Variants in XPO6 observed in about 807,000 individuals in gnomAD.
XPO6 encodes exportin 6.
A neutral mutation model predicts 130.0 loss-of-function variants in XPO6; 3 were observed. The observed-to-expected ratio is 0.02, with a 90% confidence interval of 0.01 to 0.06. The LOEUF (loss-of-function observed/expected upper bound fraction) is 0.06, where lower values mean the gene tolerates loss of function less well. Ranked by LOEUF, XPO6 falls within the 10% of genes least tolerant of loss-of-function variation. XPO6 has a pLI of 1.00. For synonymous variants in XPO6, 524 were observed against 548.9 expected, an observed-to-expected ratio of 0.95 and a Z score of 0.63; for missense variants, 970 against 1,393.0, an observed-to-expected ratio of 0.70 and a Z score of 4.83.
At chr16:28,205,177 T>G (rs542611693) in intron 1 of XPO6, among the ~76,000 whole-genome samples, 4 of 152,252 alleles carry the variant, frequency 2.6e-5, no homozygotes, top group African/African-American at 9.6e-5. Flanking sequence ...GCCAGGAAAG[T>G]AGGAGTAAAG....
At chr16:28,135,468 G>A (rs1432695833) in intron 9 of XPO6, 144 bp from the exon 10 acceptor site, 3 of 636,360 alleles carry the variant, frequency 4.7e-6, no homozygotes, top group Non-Finnish European at 8.2e-6. Flanking sequence ...GAGTTTATGG[G>A]TTGGTACGTG....
chr16:28,104,720 A>C lies in XPO6; in HGVS notation c.2785-13T>G. 6.2e-7 allele frequency: 1 copy of C among 1,613,222 alleles called. No homozygotes were observed. The highest frequency in any genetic ancestry group is 8.5e-7 in the Non-Finnish European group (1 of 1,179,956). ...CAGGGGAGGGACGCTGCAAAGACAC[A>C]CAGACGCTCAGACCTGCAGCTTGCG... On this transcript the variant is annotated splice_polypyrimidine_tract_variant and intron_variant, in intron 20 of 23. Transcript: ENST00000304658.
chr16:28,141,864 G>A (rs1224253976), intron 9 of XPO6, among the ~76,000 whole-genome samples: 1 of 152,224 alleles, frequency 6.6e-6, no homozygotes, highest in African/African-American at 2.4e-5. Context: ...GAAGGCTGAG[G>A]CAGGAGAATG....
At chr16:28,124,838 A>C (rs1338794880) in intron 13 of XPO6, among the ~76,000 whole-genome samples, 1 of 152,180 alleles carries the variant, frequency 6.6e-6, no homozygotes, top group Non-Finnish European at 1.5e-5. Context: ...GCATGCACCC[A>C]GGCTCCTGAG....
chr16:28,099,164 G>A (rs547357468), intron 23 of XPO6, among the ~76,000 whole-genome samples: 57 of 152,264 alleles, frequency 3.7e-4, no homozygotes, highest in Admixed American at 1.8e-3. Context: ...CCTGCCCCTC[G>A]AGAGCCACCC....
At chr16:28,155,689 A>G (rs886330159) in intron 7 of XPO6, 27 of 171,280 alleles carry the variant, frequency 1.6e-4, no homozygotes, top group African/African-American at 6.2e-4. Flanking sequence ...AAAGGCGATT[A>G]TAACTCCTGT....
chr16:28,162,367 A>AT (rs2043290580), intron 6 of XPO6, among the ~76,000 whole-genome samples: 1 of 152,244 alleles, frequency 6.6e-6, no homozygotes, highest in Non-Finnish European at 1.5e-5. Context: ...CACAAAACAG[A>AT]TTCTGCTTCA....
intron 8 of XPO6, among the ~76,000 whole-genome samples, chr16:28,148,702 T>C (rs2043028287): frequency 6.6e-6 from 1 of 152,178 alleles, no homozygotes; most frequent in Non-Finnish European, 1.5e-5. Context: ...TCCAGTCGTA[T>C]CTTGCCCAAG....
At chr16:28,200,426 G>A (rs2043936574) in intron 1 of XPO6, among the ~76,000 whole-genome samples, 1 of 151,944 alleles carries the variant, frequency 6.6e-6, no homozygotes, top group Non-Finnish European at 1.5e-5. Flanking sequence ...CCTTTTTGTT[G>A]ATGTCCTGTA....
chr16:28,143,200 C>G (rs1029280217), intron 9 of XPO6, among the ~76,000 whole-genome samples: 1 of 152,218 alleles, frequency 6.6e-6, no homozygotes, highest in Non-Finnish European at 1.5e-5. Context: ...GATGCCAGGG[C>G]AGGCAGGTAA....
chr16:28,173,500 T>C (rs1363440183), intron 4 of XPO6, among the ~76,000 whole-genome samples: 2 of 152,124 alleles, frequency 1.3e-5, no homozygotes, highest in Admixed American at 1.3e-4. Flanking sequence ...CCTAGCACTT[T>C]GAGAGGCCAT....
chr16:28,126,571 T>A (rs2087419143), intron 12 of XPO6: 1 of 152,220 alleles, frequency 6.6e-6, no homozygotes, highest in South Asian at 2.1e-4. Flanking sequence ...CTAATTATTA[T>A]AAATAACAAA....
chr16:28,107,139 T>G (rs2086802793), intron 18 of XPO6, among the ~76,000 whole-genome samples: 1 of 152,198 alleles, frequency 6.6e-6, no homozygotes, highest in Non-Finnish European at 1.5e-5. Context: ...AAGACTACTA[T>G]AATGCTGTCA....
chr16:28,179,949 C>T (rs917984218), intron 2 of XPO6, among the ~76,000 whole-genome samples: 5 of 152,126 alleles, frequency 3.3e-5, no homozygotes, highest in African/African-American at 1.2e-4. Context: ...GAAGGTTCTA[C>T]GTTTAATTCA....
At chr16:28,208,440 G>C (rs1480992259) in intron 1 of XPO6, among the ~76,000 whole-genome samples, 1 of 152,108 alleles carries the variant, frequency 6.6e-6, no homozygotes, top group Non-Finnish European at 1.5e-5. Flanking sequence ...CCTTACCTTT[G>C]GGGGACAGGG....
In XPO6 at chr16:28,101,199, C is replaced by T. The variant is rs1230435992; in HGVS notation, c.3276+259G>A. 5.4e-6 allele frequency: 3 copies of T among 555,464 alleles called. No individual in the cohort carries two copies. Among genetic ancestry groups the T allele is most frequent in the Non-Finnish European group, 9.8e-6 (3 of 306,946 alleles). 34.4% of individuals were successfully genotyped at this position (555,464 alleles called of 1,614,324 possible). A position where few individuals can be genotyped will look rare whatever the true frequency, so the allele number is the denominator to read the frequency against. On this transcript the variant is annotated intron_variant, in intron 23 of 23. Coordinates refer to ENST00000304658, the MANE Select transcript of XPO6 (RefSeq NM_015171.4). The surrounding 1 kb of genome is among the most constrained non-coding windows in gnomAD (Gnocchi z 5.4). ...AAAGATGCCAAGACAAATGGAGGGGCTGCAGAGCCAGGAACTCGGGACCTC... is the reference window on the plus strand; with the variant it reads ...AAAGATGCCAAGACAAATGGAGGGGTTGCAGAGCCAGGAACTCGGGACCTC...
At chr16:28,180,854 G>A in intron 2 of XPO6, 87 bp downstream of exon 2, 1 of 1,058,518 alleles carries the variant, frequency 9.4e-7, no homozygotes, top group Non-Finnish European at 1.4e-6. Context: ...ACGCAGACTT[G>A]ACCAGTCACG....
intron 6 of XPO6, among the ~76,000 whole-genome samples, chr16:28,160,448 G>A (rs937823123): frequency 9.0e-5 from 12 of 133,374 alleles, no homozygotes; most frequent in African/African-American, 3.4e-4. Flanking sequence ...ACGCTGCAGT[G>A]AGCCAAGATC....
chr16:28,098,498 T>C lies in XPO6; in HGVS notation c.*40A>G, dbSNP rs779754259. ...TGGTGGAAGGTAGGGCTGGCGCAGG[T>C]GGCAGCAGCAGAAGTCCGTGTCCCC... On this transcript the variant is annotated 3_prime_UTR_variant, in exon 24 of 24. Transcript: ENST00000304658. The C allele has an allele frequency of 1.3e-6, 2 of 1,551,896 alleles. No individual in the cohort carries two copies. Among genetic ancestry groups the C allele is most frequent in the South Asian group, 1.1e-5 (1 of 87,100 alleles).
Sources: gnomAD v4.1 joint callset for allele counts (sites outside exome capture counted in the v4.1 genomes callset) on GRCh38, gnomAD v4.1.1 for gene constraint, Gnocchi (gnomAD v3.1) non-coding constraint, MANE v1.5 for transcripts, NCBI Gene and HGNC (gene_info 2026-07-23, HGNC 2026-07-21) for gene names.